Variants in SYK observed in about 807,000 individuals in gnomAD.
SYK encodes the protein tyrosine-protein kinase SYK.
SYK carries 16 observed loss-of-function variants against 77.8 expected under a neutral mutation model. The ratio of observed to expected loss-of-function variants is 0.21; its 90% CI spans 0.14 to 0.31. SYK has a LOEUF of 0.31. Ranked by LOEUF, SYK falls within the 10% of genes least tolerant of loss-of-function variation. The pLI, the probability that SYK is intolerant of heterozygous loss-of-function variation, is 1.00. For synonymous variants in SYK, 312 were observed against 308.7 expected, an observed-to-expected ratio of 1.01 and a Z score of -0.11; for missense variants, 529 against 814.4, an observed-to-expected ratio of 0.65 and a Z score of 4.26.
At chr9:90,822,896 G>A (rs534090674) in intron 1 of SYK, among the ~76,000 whole-genome samples, 6 of 152,302 alleles carry the variant, frequency 3.9e-5, no homozygotes, top group South Asian at 2.1e-4. Context: ...AAATAGAAAG[G>A]CATGATTAAT....
At chr9:90,812,060 CAT>C (rs1386455045) in intron 1 of SYK, among the ~76,000 whole-genome samples, 2 of 151,906 alleles carry the variant, frequency 1.3e-5, no homozygotes, top group Non-Finnish European at 2.9e-5. Context: ...AGTGTGTACA[CAT>C]GTGTATGTAA....
chr9:90,850,387 G>A (rs1369418787), intron 3 of SYK, among the ~76,000 whole-genome samples: 1 of 152,098 alleles, frequency 6.6e-6, no homozygotes, highest in Non-Finnish European at 1.5e-5. Context: ...ATAGTGGTGT[G>A]TGCCTGTAGT....
rs1827467141 is a variant in SYK, at chr9:90,865,891, C to CATT, written c.846+794_846+795insATT. The stretch of plus-strand genomic sequence containing the variant: ...CTCTTTTCTTGGGGCTACATATGGC[C>CATT]TTTTTTTTTTTTTTTTTTTTTTTTT... On this transcript the variant is annotated intron_variant, in intron 6 of 13. Transcript: ENST00000375754. Among the ~76,000 whole-genome samples, 5 of 61,266 alleles carry CATT rather than the reference C, an allele frequency of 8.2e-5. No individual in the cohort carries two copies. The Admixed American group carries it at 1.1e-3, about 14-fold the overall frequency. 40.2% of individuals were successfully genotyped at this position (61,266 alleles called of 152,430 possible). A position where few individuals can be genotyped will look rare whatever the true frequency, so the allele number is the denominator to read the frequency against.
chr9:90,873,366 A>G (rs1046662115), intron 7 of SYK, among the ~76,000 whole-genome samples: 13 of 152,104 alleles, frequency 8.5e-5, no homozygotes, highest in African/African-American at 3.1e-4. Context: ...AAGCATCTGA[A>G]TCATGGTTCT....
At chr9:90,818,345 A>G (rs7041579) in intron 1 of SYK, among the ~76,000 whole-genome samples, 2,378 of 152,322 alleles carry the variant, frequency 0.016, 65 homozygotes, top group African/African-American at 0.055. Flanking sequence ...CAACTTCAGA[A>G]TGACCAAAAA....
intron 7 of SYK, among the ~76,000 whole-genome samples, chr9:90,873,636 T>C (rs1345607490): frequency 1.3e-5 from 2 of 152,208 alleles, no homozygotes; most frequent in Admixed American, 6.5e-5. Context: ...TTGGGACCTG[T>C]AGTTACTGAC....
chr9:90,840,440 A>G (rs1826254076), intron 1 of SYK, among the ~76,000 whole-genome samples: 2 of 152,088 alleles, frequency 1.3e-5, no homozygotes, highest in African/African-American at 2.4e-5. Context: ...GCTGGCCTGC[A>G]ACAAAAGCAT....
chr9:90,867,252 A>C, intron 7 of SYK, 53 bp downstream of exon 7: 2 of 1,577,402 alleles, frequency 1.3e-6, no homozygotes, highest in East Asian at 2.2e-5. Flanking sequence ...ACCAACGCGC[A>C]CTCAGCTCCC....
intron 3 of SYK, among the ~76,000 whole-genome samples, chr9:90,849,167 G>A (rs980525711): frequency 3.3e-5 from 5 of 152,222 alleles, no homozygotes; most frequent in East Asian, 1.9e-4. Context: ...GCTGACATTC[G>A]GTGGGCTCTG....
chr9:90,829,116 C>G (rs138192195), intron 1 of SYK, among the ~76,000 whole-genome samples: 2,983 of 152,240 alleles, frequency 0.02, 92 homozygotes, highest in African/African-American at 0.068. Context: ...TAGTGAAACC[C>G]TGTCTCTACT....
At chr9:90,847,977 C>G (rs1305628431) in intron 3 of SYK, among the ~76,000 whole-genome samples, 2 of 152,212 alleles carry the variant, frequency 1.3e-5, no homozygotes, top group Non-Finnish European at 2.9e-5. Context: ...CTCTTGACAA[C>G]CTTTCATCTC....
chr9:90,824,641 G>A (rs972196107), intron 1 of SYK, among the ~76,000 whole-genome samples: 4 of 151,832 alleles, frequency 2.6e-5, no homozygotes, highest in Non-Finnish European at 5.9e-5. Context: ...GTTAATGGAG[G>A]CAGAAAGGGC....
Position 90,874,233 on chromosome 9 carries a change from G to A in SYK, c.945G>A (p.Glu315=). 1 of 1,614,192 alleles carries A rather than the reference G, an allele frequency of 6.2e-7. No homozygotes were observed. The highest frequency in any genetic ancestry group is 8.5e-7 in the Non-Finnish European group (1 of 1,180,028). ...CCCCTGCCCAAGGGAACCGGCAAGA[G>A]AGTACTGTGTCATTCAATCCGTATG... ...KSSPAQGNRQ[E]STVSFNPYEP... The change falls in exon 8 of 14, where the codon GAG becomes GAA. Residue 315 remains glutamate, a synonymous_variant. Coordinates refer to ENST00000375754, the MANE Select transcript of SYK (RefSeq NM_003177.7).
intron 3 of SYK, among the ~76,000 whole-genome samples, chr9:90,851,892 T>G (rs1027900604): frequency 2.0e-5 from 3 of 152,136 alleles, no homozygotes; most frequent in African/African-American, 7.2e-5. Context: ...AGGCATACAA[T>G]AGAATGTATT....
intron 3 of SYK, among the ~76,000 whole-genome samples, chr9:90,859,465 C>T (rs1827167971): frequency 1.3e-5 from 2 of 152,200 alleles, no homozygotes; most frequent in Non-Finnish European, 2.9e-5. Flanking sequence ...CATTTTATTG[C>T]TTTAGAATAC....
rs62554373 is a variant in SYK, at chr9:90,884,256, C to T, written c.1582-3493C>T. Among the ~76,000 whole-genome samples the T allele has an allele frequency of 2.5e-3, 254 of 100,690 alleles. 7 individuals carry two copies. In the East Asian group the frequency reaches 0.034, roughly 13 times the overall value. The allele number at this position is 100,690 out of a possible 152,430, so 66.1% of individuals were successfully genotyped here. ...ACATACGTGTATATATACACATACA[C>T]ATACACATACGTGTATATATACACA... On this transcript the variant is annotated intron_variant, in intron 11 of 13. Transcript: ENST00000375754.
intron 1 of SYK, among the ~76,000 whole-genome samples, chr9:90,804,708 A>G (rs1024132163): frequency 5.3e-5 from 8 of 152,176 alleles, no homozygotes; most frequent in Non-Finnish European, 7.4e-5. Context: ...GCAGAGTCCT[A>G]ATGAGAGATT....
At chr9:90,843,119 C>T (rs1437624461) in intron 1 of SYK, among the ~76,000 whole-genome samples, 1 of 152,114 alleles carries the variant, frequency 6.6e-6, no homozygotes, top group Non-Finnish European at 1.5e-5. Flanking sequence ...TGGCGTTGCC[C>T]AGGAAGTGGT....
intron 1 of SYK, among the ~76,000 whole-genome samples, chr9:90,828,295 T>C (rs1252577878): frequency 7.6e-6 from 1 of 131,146 alleles, no homozygotes; most frequent in Non-Finnish European, 1.6e-5. Context: ...TTGGGATGGG[T>C]ACCAGGGCAG....
Sources: allele counts gnomAD v4.1 joint callset (sites outside exome capture counted in the v4.1 genomes callset), GRCh38; gene constraint gnomAD v4.1.1; transcripts MANE v1.5; gene names NCBI Gene and HGNC (gene_info 2026-07-23, HGNC 2026-07-21).